The following PXDC1 variants were observed in gnomAD, a reference collection of about 807,000 sequenced individuals.
PXDC1 encodes PX domain-containing protein 1.
Under a neutral mutation model 24.4 loss-of-function variants are expected in PXDC1, and 13 were observed. That is an observed-to-expected ratio of 0.53 (90% CI 0.35 to 0.85). PXDC1 has a LOEUF of 0.85. Ranked by LOEUF, PXDC1 falls within the 40% of genes least tolerant of loss-of-function variation. The pLI is 0.01. For synonymous variants in PXDC1, 162 were observed against 124.9 expected (o/e 1.30, Z -1.98); for missense variants, 344 against 309.3 (o/e 1.11, Z -0.84).
At chr6:3,732,723 G>A (rs1489797207) in intron 3 of PXDC1, among the ~76,000 whole-genome samples, 2 of 152,198 alleles carry the variant, frequency 1.3e-5, no homozygotes, top group Non-Finnish European at 2.9e-5. Context: ...AGCGCCGGGC[G>A]CCATCTAGTG....
chr6:3,734,811 G>A (rs1008255408), intron 3 of PXDC1, among the ~76,000 whole-genome samples: 7 of 152,276 alleles, frequency 4.6e-5, no homozygotes, highest in Middle Eastern at 3.4e-3. Context: ...TAGGCCGGGC[G>A]CAGTGGCTAA....
chr6:3,731,641 T>G (rs188320212), intron 3 of PXDC1, among the ~76,000 whole-genome samples: 2 of 152,358 alleles, frequency 1.3e-5, no homozygotes, highest in East Asian at 3.9e-4. Flanking sequence ...GTTCCTCTTT[T>G]CCGTGGGGGC....
At chr6:3,741,161 A>C (rs1581249156) in intron 1 of PXDC1, among the ~76,000 whole-genome samples, 1 of 152,240 alleles carries the variant, frequency 6.6e-6, no homozygotes, top group Non-Finnish European at 1.5e-5. Flanking sequence ...CTCTTCGGTC[A>C]CCAGCCTCGA....
chr6:3,744,667 A>G (rs1432286362), intron 1 of PXDC1, among the ~76,000 whole-genome samples: 1 of 152,218 alleles, frequency 6.6e-6, no homozygotes, highest in African/African-American at 2.4e-5. Flanking sequence ...TCTGGCTACA[A>G]GAACTCTGTG....
chr6:3,742,657 CTG>C (rs905056412), intron 1 of PXDC1, among the ~76,000 whole-genome samples: 5 of 152,234 alleles, frequency 3.3e-5, no homozygotes, highest in Non-Finnish European at 5.9e-5. Flanking sequence ...GCCCCGGAAA[CTG>C]TTCTAATTTC....
chr6:3,727,527 C>T (rs187496336), intron 4 of PXDC1, 24 bp downstream of exon 4: 204 of 1,501,020 alleles, frequency 1.4e-4, no homozygotes, highest in African/African-American at 1.1e-3. Context: ...GTCTATGAAA[C>T]GATATTCAAA....
intron 3 of PXDC1, among the ~76,000 whole-genome samples, chr6:3,731,837 AT>A (rs1760204178): frequency 6.6e-6 from 1 of 152,094 alleles, no homozygotes; most frequent in Non-Finnish European, 1.5e-5. Context: ...GAGGTGATGC[AT>A]TTTTGGCAGG....
Position 3,722,871 on chromosome 6 carries a change from C to T in PXDC1, c.*748G>A, listed in dbSNP as rs1009294238. 1 of 151,808 alleles carries T rather than the reference C, an allele frequency of 6.6e-6. No homozygotes were observed. The highest frequency in any genetic ancestry group is 6.6e-5 in the Admixed American group (1 of 15,230). The allele number at this position is 151,808 out of a possible 1,614,324, so 9.4% of individuals were successfully genotyped here. A position where few individuals can be genotyped will look rare whatever the true frequency, so the allele number is the denominator to read the frequency against. ...CCCCAGGGTGGTGTGGCCGCAGCAC[C>T]AGGACCCGCGCTGAAGGCCCAGAGA... On this transcript the variant is annotated 3_prime_UTR_variant, in exon 5 of 5. Coordinates refer to ENST00000380283, the MANE Select transcript of PXDC1 (RefSeq NM_183373.4).
intron 4 of PXDC1, among the ~76,000 whole-genome samples, chr6:3,726,574 G>A (rs936097661): frequency 3.0e-4 from 45 of 152,236 alleles, no homozygotes; most frequent in African/African-American, 1.0e-3. Context: ...CATGGAGCAG[G>A]GATTCAGCAG....
In PXDC1 at chr6:3,728,178, T is replaced by G. The variant is rs1760110712; in HGVS notation, c.467-516A>C. On this transcript the variant is annotated intron_variant, in intron 3 of 4. Coordinates refer to ENST00000380283, the MANE Select transcript of PXDC1 (RefSeq NM_183373.4). This position sits in a 1 kb window ranked among gnomAD's most constrained non-coding sequence, Gnocchi z 4.0. ...CAATAGTTTTGGGGTTACAGGTGGG[T>G]CTTGGTTACACGGATAAGTTCTTTA... Among the ~76,000 whole-genome samples, 2 of 152,176 alleles carry G rather than the reference T, an allele frequency of 1.3e-5. No homozygotes were observed. The highest frequency in any genetic ancestry group is 4.1e-4 in the South Asian group (2 of 4,824).
chr6:3,742,562 AG>A (rs1307640726), intron 1 of PXDC1, among the ~76,000 whole-genome samples: 2 of 152,184 alleles, frequency 1.3e-5, no homozygotes, highest in Non-Finnish European at 2.9e-5. Flanking sequence ...AGGACTGACC[AG>A]CAGGGGGCGC....
Position 3,737,132 on chromosome 6 carries a change from T to G in PXDC1, c.413A>C (p.Asn138Thr). ...GGGTTGAATTTTATGCACATTATCA[T>G]TTTTTAACACCTGATCCAGAGGAGA... ...ERSPLDQVLK[N>T]DNVHKIQPSF... The change falls in exon 3 of 5, where the codon AAT becomes ACT. Residue 138 changes from asparagine (N) to threonine (T), a missense_variant. Transcript: ENST00000380283. The surrounding 1 kb of genome is among the most constrained non-coding windows in gnomAD (Gnocchi z 5.5). The G allele has an allele frequency of 6.2e-7, 1 of 1,613,288 alleles. No individual in the cohort carries two copies. The highest frequency in any genetic ancestry group is 8.5e-7 in the Non-Finnish European group (1 of 1,179,216).
At position 3,725,022 on chromosome 6, in the gene PXDC1, C is replaced by T. The variant is rs112451025; in HGVS notation, c.579-1286G>A. 6.7e-4 allele frequency among the ~76,000 whole-genome samples: 102 copies of T among 152,236 alleles called. No individual in the cohort carries two copies. The highest frequency in any genetic ancestry group is 3.4e-3 in the Middle Eastern group (1 of 294). On this transcript the variant is annotated intron_variant, in intron 4 of 4. Transcript: ENST00000380283. This position sits in a 1 kb window ranked among gnomAD's most constrained non-coding sequence, Gnocchi z 4.8. ...CAACACGAGGCTGGGACAGAGGCCG[C>T]GGCACAAAGAGCCCTAGCTGTGGGT... is the stretch of plus-strand genomic sequence containing the variant.
chr6:3,727,618 T>C lies in PXDC1; in HGVS notation c.511A>G (p.Ile171Val). Reference protein sequence around the residue: ...NGFCLANTETIVIDHSIPNGR... With the variant: ...NGFCLANTETVVIDHSIPNGR... ...TTTGGTATACTGTGGTCAATAACTA[T>C]TGTTTCGGTATTTGCTAAACAAAAT... is the stretch of plus-strand genomic sequence containing the variant. Residue 171 changes from isoleucine (I) to valine (V), a missense_variant, in exon 4 of 5, where the codon ATA becomes GTA. Coordinates refer to ENST00000380283, the MANE Select transcript of PXDC1 (RefSeq NM_183373.4). 1 of 1,613,994 alleles carries C rather than the reference T, an allele frequency of 6.2e-7. No homozygotes were observed. Among genetic ancestry groups the C allele is most frequent in the Non-Finnish European group, 8.5e-7 (1 of 1,179,870 alleles).
intron 3 of PXDC1, among the ~76,000 whole-genome samples, chr6:3,735,238 G>T (rs902755083): frequency 2.6e-5 from 4 of 152,116 alleles, no homozygotes; most frequent in African/African-American, 7.2e-5. Flanking sequence ...AAACAGCATG[G>T]TACTGGCATA....
chr6:3,727,534 CA>C lies in PXDC1; in HGVS notation c.578+16del. The stretch of plus-strand genomic sequence containing the variant: ...TCAGGACAGTCTATGAAACGATATT[CA>C]AATCAGCATACTTACAAATGCTCTG... On this transcript the variant is annotated intron_variant, in intron 4 of 4. Transcript: ENST00000380283. The C allele has an allele frequency of 6.5e-7, 1 of 1,531,922 alleles. No homozygotes were observed. Among genetic ancestry groups the C allele is most frequent in the Non-Finnish European group, 9.0e-7 (1 of 1,105,488 alleles). The allele number at this position is 1,531,922 out of a possible 1,614,324, so 94.9% of individuals were successfully genotyped here. A position where few individuals can be genotyped will look rare whatever the true frequency, so the allele number is the denominator to read the frequency against.
chr6:3,737,089 G>A lies in PXDC1; in HGVS notation c.456C>T (p.Val152=). ...HKIQPSFQSP[V]KISEIMRSNG... ...CTTTGTGGCTCTTACCTGATATTTT[G>A]ACTGGACTTTGAAAGCTGGGTTGAA... Residue 152 remains valine (V), a synonymous_variant, in exon 3 of 5, where the codon GTC becomes GTT. Transcript: ENST00000380283. The surrounding 1 kb of genome is among the most constrained non-coding windows in gnomAD (Gnocchi z 5.5). 1 of 1,602,014 alleles carries A rather than the reference G, an allele frequency of 6.2e-7. No homozygotes were observed. The highest frequency in any genetic ancestry group is 8.6e-7 in the Non-Finnish European group (1 of 1,169,034).
At chr6:3,750,526 C>T (rs902917497) in intron 1 of PXDC1, among the ~76,000 whole-genome samples, 13 of 152,214 alleles carry the variant, frequency 8.5e-5, no homozygotes, top group Admixed American at 7.2e-4. Flanking sequence ...CGGCTTCCAC[C>T]CCCTCAGCCT....
Position 3,738,159 on chromosome 6 carries a change from G to C in PXDC1, c.257-11C>G, listed in dbSNP as rs756470127. The C allele has an allele frequency of 2.5e-6, 4 of 1,607,478 alleles. No individual in the cohort carries two copies. Among genetic ancestry groups the C allele is most frequent in the Admixed American group, 1.7e-5 (1 of 59,978 alleles). On this transcript the variant is annotated splice_polypyrimidine_tract_variant and intron_variant, in intron 1 of 4. Transcript: ENST00000380283. ...TTATGGCAACCAGTCCTAGAATTGA[G>C]ACAGAAATGCTCAAAGTCAGAATAG...
Sources: gnomAD v4.1 joint callset for allele counts (sites outside exome capture counted in the v4.1 genomes callset) on GRCh38, gnomAD v4.1.1 for gene constraint, Gnocchi (gnomAD v3.1) non-coding constraint, MANE v1.5 for transcripts, NCBI Gene and HGNC (gene_info 2026-07-23, HGNC 2026-07-21) for gene names.